The following SLC25A48 variants were observed in gnomAD, a reference collection of about 807,000 sequenced individuals.
The protein encoded by SLC25A48 is CTC-321K16.1.
A neutral mutation model predicts 32.2 loss-of-function variants in SLC25A48; 29 were observed. The ratio of observed to expected loss-of-function variants is 0.90; its 90% CI spans 0.67 to 1.23. The LOEUF (loss-of-function observed/expected upper bound fraction) is 1.23. Among genes scored for constraint, SLC25A48 ranks in the 50% most tolerant of loss-of-function variants. SLC25A48 has a pLI of 0.00. For missense variants in SLC25A48, 399 were observed against 422.7 expected (o/e 0.94, Z 0.49); for synonymous variants, 164 against 172.3 (o/e 0.95, Z 0.38).
In SLC25A48 at chr5:135,852,702, G is replaced by C. The variant is rs772224772; in HGVS notation, c.302G>C (p.Arg101Pro). 2 of 1,614,108 alleles carry C rather than the reference G, an allele frequency of 1.2e-6. No homozygotes were observed. The highest frequency in any genetic ancestry group is 1.7e-6 in the Non-Finnish European group (2 of 1,180,022). ...GGGGAGCCAGAGGCCAGTCCTCCCCGCACGCTGTCAGACCTGCTCCTGGCC... is the reference window on the plus strand; with the variant it reads ...GGGGAGCCAGAGGCCAGTCCTCCCCCCACGCTGTCAGACCTGCTCCTGGCC... ...RCGEPEASPP[R>P]TLSDLLLASM... Residue 101 changes from arginine to proline, a missense_variant, in exon 4 of 8, where the codon CGC becomes CCC. By Grantham distance (103) the Arg-to-Pro change is moderately radical (BLOSUM62 -2). Transcript: ENST00000681962.
At chr5:135,618,776 T>C (rs1752249596) in intron 1 of SLC25A48, among the ~76,000 whole-genome samples, 1 of 152,088 alleles carries the variant, frequency 6.6e-6, no homozygotes, top group South Asian at 2.1e-4. Context: ...ATAGTATACT[T>C]GAGTTGTAGT....
At chr5:135,623,429 C>T (rs1752369918) in intron 1 of SLC25A48, among the ~76,000 whole-genome samples, 1 of 152,156 alleles carries the variant, frequency 6.6e-6, no homozygotes, top group Admixed American at 6.5e-5. Flanking sequence ...ATAGCATCTG[C>T]CTGAGGATAC....
intron 4 of SLC25A48, chr5:135,826,688 T>C (rs1301795830): frequency 6.6e-6 from 1 of 152,176 alleles, no homozygotes; most frequent in African/African-American, 2.4e-5. Context: ...ACTGGTGTCA[T>C]CTCCATTCTA....
intron 3 of SLC25A48, among the ~76,000 whole-genome samples, chr5:135,651,511 C>T (rs1031086979): frequency 5.3e-5 from 8 of 152,174 alleles, no homozygotes; most frequent in African/African-American, 1.9e-4. Flanking sequence ...ATCCAGTAGG[C>T]CATGGCTATC....
rs112481078 is a variant in SLC25A48 at position 135,888,109 on chromosome 5, G to A, written c.*85G>A. 1.1e-3 allele frequency: 1,669 copies of A among 1,550,456 alleles called. 28 individuals are homozygous for A. In the African/African-American group the frequency reaches 0.021, roughly 19 times the overall value. On this transcript the variant is annotated 3_prime_UTR_variant, in exon 8 of 8. Transcript: ENST00000681962. ...AAGCCCTGAGAGCTGCAGATGTTTG[G>A]CCTTTGGACCTCCAAGTGGACATCA...
intron 1 of SLC25A48, among the ~76,000 whole-genome samples, chr5:135,583,272 T>G (rs1431264263): frequency 6.6e-6 from 1 of 151,830 alleles, no homozygotes; most frequent in East Asian, 1.9e-4. Context: ...GGGCATTTGT[T>G]TTAGAGATGA....
At chr5:135,672,669 T>C (rs949670406) in intron 3 of SLC25A48, among the ~76,000 whole-genome samples, 1 of 152,190 alleles carries the variant, frequency 6.6e-6, no homozygotes, top group Non-Finnish European at 1.5e-5. Flanking sequence ...CATCCCCTGT[T>C]TTTTTCGTAG....
intron 3 of SLC25A48, among the ~76,000 whole-genome samples, chr5:135,751,197 C>T (rs369445834): frequency 2.6e-5 from 4 of 152,178 alleles, no homozygotes; most frequent in Non-Finnish European, 2.9e-5. Flanking sequence ...ACTGACACTC[C>T]GTGCCTTCCA....
intron 1 of SLC25A48, among the ~76,000 whole-genome samples, chr5:135,840,740 A>G (rs1325837605): frequency 6.6e-6 from 1 of 152,228 alleles, no homozygotes; most frequent in Non-Finnish European, 1.5e-5. Context: ...AGCATGCATC[A>G]ATAGTTCATT....
intron 4 of SLC25A48, among the ~76,000 whole-genome samples, chr5:135,853,536 T>G (rs947215228): frequency 1.3e-5 from 2 of 152,254 alleles, no homozygotes; most frequent in African/African-American, 4.8e-5. Context: ...AAAAACTGTC[T>G]TTCTCATCCA....
chr5:135,732,340 G>A (rs1221927401), intron 3 of SLC25A48, among the ~76,000 whole-genome samples: 1 of 152,150 alleles, frequency 6.6e-6, no homozygotes, highest in Non-Finnish European at 1.5e-5. Context: ...GAGGAATTAT[G>A]TCTGACAAAA....
At chr5:135,671,935 G>C (rs969822671) in intron 3 of SLC25A48, among the ~76,000 whole-genome samples, 1 of 134,280 alleles carries the variant, frequency 7.4e-6, no homozygotes, top group Non-Finnish European at 1.5e-5. Context: ...CAAAGTATCC[G>C]GCATTTAAGA....
At chr5:135,742,360 C>A (rs1471076542) in intron 3 of SLC25A48, 2 of 976,776 alleles carry the variant, frequency 2.0e-6, no homozygotes, top group South Asian at 2.3e-5. Context: ...GGATTACAAG[C>A]ATGAATCACC....
At chr5:135,595,507 G>A (rs1751628909) in intron 1 of SLC25A48, among the ~76,000 whole-genome samples, 4 of 152,242 alleles carry the variant, frequency 2.6e-5, no homozygotes, top group Admixed American at 2.0e-4. Flanking sequence ...TGGCAAGTTA[G>A]AAAAGCTGTC....
chr5:135,623,463 C>T (rs1424976125), intron 1 of SLC25A48, among the ~76,000 whole-genome samples: 2 of 152,140 alleles, frequency 1.3e-5, no homozygotes, highest in East Asian at 1.9e-4. Flanking sequence ...GAAGGTTGGT[C>T]TCAGTCAGGT....
At chr5:135,879,134 C>T (rs962834815) in intron 6 of SLC25A48, among the ~76,000 whole-genome samples, 6 of 152,090 alleles carry the variant, frequency 3.9e-5, no homozygotes, top group East Asian at 3.9e-4. Context: ...GTAGCAAAGG[C>T]GGAGTTCATC....
chr5:135,746,504 T>C, intron 3 of SLC25A48: 1 of 238,052 alleles, frequency 4.2e-6, no homozygotes, highest in South Asian at 5.5e-5. Context: ...TGTCGTGCAT[T>C]TCCGCCTTGC....
intron 3 of SLC25A48, among the ~76,000 whole-genome samples, chr5:135,703,741 A>AC (rs1754444508): frequency 6.6e-6 from 1 of 152,230 alleles, no homozygotes; most frequent in African/African-American, 2.4e-5. Context: ...GCCCTGCCAG[A>AC]CCGTGGGCTC....
At chr5:135,876,128 C>CTTTTTTTTTTTTTT (rs1402681382) in intron 6 of SLC25A48, 8 of 47,864 alleles carry the variant, frequency 1.7e-4, no homozygotes, top group South Asian at 9.3e-4. Context: ...TTTTTTTCTT[C>CTTTTTTTTTTTTTT]TTCTTTTTTT....
Sources: allele counts gnomAD v4.1 joint callset (sites outside exome capture counted in the v4.1 genomes callset), GRCh38; gene constraint gnomAD v4.1.1; transcripts MANE v1.5; gene names NCBI Gene and HGNC (gene_info 2026-07-23, HGNC 2026-07-21).